The following METTL6 variants were observed in gnomAD, a reference collection of about 807,000 sequenced individuals.
The protein encoded by METTL6 is methyltransferase 6, tRNA N3-cytidine.
METTL6 carries 22 observed loss-of-function variants against 26.4 expected under a neutral mutation model. That is an observed-to-expected ratio of 0.83 (90% CI 0.59 to 1.19). The LOEUF (loss-of-function observed/expected upper bound fraction) is 1.19. METTL6 is among the 50% of genes most tolerant of loss of function. The pLI, the probability that METTL6 is intolerant of heterozygous loss-of-function variation, is 0.00. For synonymous variants in METTL6, 109 were observed against 116.2 expected, an observed-to-expected ratio of 0.94 and a Z score of 0.40; for missense variants, 304 against 324.8, an observed-to-expected ratio of 0.94 and a Z score of 0.49.
intron 3 of METTL6, among the ~76,000 whole-genome samples, chr3:15,422,697 T>C (rs2061634835): frequency 6.6e-6 from 1 of 152,132 alleles, no homozygotes; most frequent in Non-Finnish European, 1.5e-5. Context: ...ATGCTAAAAC[T>C]GTGAAAGGTT....
chr3:15,417,503 A>G (rs1465227517), intron 3 of METTL6, among the ~76,000 whole-genome samples: 1 of 149,676 alleles, frequency 6.7e-6, no homozygotes. Context: ...ATGAAGAATA[A>G]TAAAGGAGAA....
At chr3:15,420,422 C>A (rs2061586393) in intron 3 of METTL6, among the ~76,000 whole-genome samples, 1 of 152,162 alleles carries the variant, frequency 6.6e-6, no homozygotes, top group African/African-American at 2.4e-5. Context: ...GTAAGTAACA[C>A]ATTTTGTAGA....
chr3:15,412,320 A>G (rs967587134), intron 5 of METTL6, among the ~76,000 whole-genome samples: 24 of 152,346 alleles, frequency 1.6e-4, no homozygotes, highest in Admixed American at 1.5e-3. Flanking sequence ...ATGGTGAGGC[A>G]GCAAAAATAA....
chr3:15,400,198 T>G lies in METTL6; in HGVS notation c.*11+11047A>C, dbSNP rs566652650. Among the ~76,000 whole-genome samples, 141 of 152,024 alleles carry G rather than the reference T, an allele frequency of 9.3e-4. 1 individual carries two copies. The highest frequency in any genetic ancestry group is 3.3e-3 in the African/African-American group (138 of 41,454). On this transcript the variant is annotated intron_variant, in intron 6 of 6. Transcript: ENST00000443029. ...GCTGTGCATTTCCTCCCCTCTCCCTTCTAGAATTTGTGCCGTGACCTCCTC... is the reference window on the plus strand; with the variant it reads ...GCTGTGCATTTCCTCCCCTCTCCCTGCTAGAATTTGTGCCGTGACCTCCTC...
At chr3:15,406,062 A>G (rs115052705), downstream of METTL6, among the ~76,000 whole-genome samples, 823 of 152,138 alleles carry the variant, frequency 5.4e-3, 9 homozygotes, top group African/African-American at 0.019. Flanking sequence ...ATGTATTAAT[A>G]TATGTGAAAA....
chr3:15,399,581 T>TGTGTGTGTGTGTGTGTG (rs1553626233), intron 6 of METTL6: 4 of 118,910 alleles, frequency 3.4e-5, no homozygotes, highest in African/African-American at 1.3e-4. Flanking sequence ...TGTGTGTGTG[T>TGTGTGTGTGTGTGTGTG]TGGAGGCTGG....
intron 6 of METTL6, among the ~76,000 whole-genome samples, chr3:15,387,774 G>A (rs1699236566): frequency 6.6e-6 from 1 of 151,986 alleles, no homozygotes; most frequent in African/African-American, 2.4e-5. Context: ...AATGGATCAG[G>A]GAACAGAGAT....
chr3:15,426,524 C>T lies in METTL6; in HGVS notation c.-13G>A, dbSNP rs371449397. On this transcript the variant is annotated 5_prime_UTR_variant, in exon 2 of 6. Coordinates refer to ENST00000383790, the MANE Select transcript of METTL6 (RefSeq NM_152396.4). ...GCAAAGAAGCCATCTCTGAAACTGACGGTAACACTTAACACAGCTGAAGAT... is the reference window on the plus strand; with the variant it reads ...GCAAAGAAGCCATCTCTGAAACTGATGGTAACACTTAACACAGCTGAAGAT... The T allele has an allele frequency of 2.5e-6, 4 of 1,607,324 alleles. No homozygotes were observed. The highest frequency in any genetic ancestry group is 1.1e-5 in the South Asian group (1 of 90,942).
At chr3:15,424,875 G>A in intron 3 of METTL6, 80 bp downstream of exon 3, 3 of 1,587,866 alleles carry the variant, frequency 1.9e-6, no homozygotes, top group Non-Finnish European at 2.6e-6. Context: ...CTAGAATTGG[G>A]CAAATGAATA....
intron 3 of METTL6, among the ~76,000 whole-genome samples, chr3:15,422,337 A>C (rs2061627243): frequency 6.6e-6 from 1 of 151,780 alleles, no homozygotes; most frequent in African/African-American, 2.4e-5. Context: ...AAAAATAAAA[A>C]ATAAAAATAG....
chr3:15,409,690 A>C (rs939353024), downstream of METTL6, among the ~76,000 whole-genome samples: 1 of 152,152 alleles, frequency 6.6e-6, no homozygotes, highest in African/African-American at 2.4e-5. Context: ...TCTCCCCCCC[A>C]GGGCAAACAA....
At chr3:15,394,241 A>C (rs1160335693) in intron 6 of METTL6, among the ~76,000 whole-genome samples, 3 of 152,230 alleles carry the variant, frequency 2.0e-5, no homozygotes, top group Non-Finnish European at 2.9e-5. Flanking sequence ...TGTATGTGTC[A>C]AGGAATTTAT....
chr3:15,411,572 GT>G (rs1699966280), intron 5 of METTL6, 135 bp from the exon 6 acceptor site: 3 of 860,074 alleles, frequency 3.5e-6, no homozygotes, highest in East Asian at 2.9e-5. Context: ...AAATTTAAAG[GT>G]TTTGATTTGG....
At chr3:15,413,478 C>T (rs1426073319) in intron 5 of METTL6, among the ~76,000 whole-genome samples, 2 of 150,218 alleles carry the variant, frequency 1.3e-5, no homozygotes, top group South Asian at 2.1e-4. Flanking sequence ...CAGGAGGCTT[C>T]GGTGGATCAC....
chr3:15,398,104 AAGCCTT>A (rs1699541638), intron 6 of METTL6, among the ~76,000 whole-genome samples: 1 of 151,736 alleles, frequency 6.6e-6, no homozygotes, highest in South Asian at 2.1e-4. Flanking sequence ...CCTAACCTTT[AAGCCTT>A]TGATGAGACT....
At chr3:15,414,188 T>C (rs775137078) in intron 4 of METTL6, 26 bp from the exon 5 acceptor site, 2 of 1,590,434 alleles carry the variant, frequency 1.3e-6, no homozygotes, top group African/African-American at 2.7e-5. Flanking sequence ...AGGCTGAACA[T>C]GACTTTGGAG....
intron 3 of METTL6, among the ~76,000 whole-genome samples, chr3:15,418,044 C>T (rs909739390): frequency 1.3e-5 from 2 of 152,226 alleles, no homozygotes; most frequent in African/African-American, 4.8e-5. Context: ...ACAAACCTCA[C>T]AGACAGCAAC....
At chr3:15,396,389 G>A (rs1002677583) in intron 6 of METTL6, among the ~76,000 whole-genome samples, 3 of 152,050 alleles carry the variant, frequency 2.0e-5, no homozygotes, top group African/African-American at 4.8e-5. Flanking sequence ...TTAGCCATTC[G>A]TCTAATCTTT....
Position 15,425,023 on chromosome 3 carries a change from A to C in METTL6, c.292T>G (p.Leu98Val). The C allele has an allele frequency of 6.2e-7, 1 of 1,614,192 alleles. No homozygotes were observed. Among genetic ancestry groups the C allele is most frequent in the Non-Finnish European group, 8.5e-7 (1 of 1,180,022 alleles). Residue 98 changes from leucine to valine, a missense_variant, in exon 3 of 6, where the codon TTA (leucine) becomes GTA (valine). By Grantham distance (32) the Leu-to-Val change is conservative. Coordinates refer to ENST00000383790, the MANE Select transcript of METTL6 (RefSeq NM_152396.4). ...CGVGNCLFPL[L>V]EEDPNIFAYA... Reference sequence around the variant, plus strand: ...GCAAAGATATTCGGATCTTCTTCTAAAAGTGGGAATAAACAGTTTCCAACC... The same window carrying C: ...GCAAAGATATTCGGATCTTCTTCTACAAGTGGGAATAAACAGTTTCCAACC...
Sources: allele counts gnomAD v4.1 joint callset (sites outside exome capture counted in the v4.1 genomes callset), GRCh38; gene constraint gnomAD v4.1.1; transcripts MANE v1.5; gene names NCBI Gene and HGNC (gene_info 2026-07-23, HGNC 2026-07-21).